INTS6: variants seen among roughly 807,000 people sequenced by gnomAD.
INTS6 encodes DEAD box protein.
A neutral mutation model predicts 104.9 loss-of-function variants in INTS6; 16 were observed. That is an observed-to-expected ratio of 0.15 (90% CI 0.10 to 0.23). The LOEUF is 0.23. INTS6 is among the 10% of genes least tolerant of loss of function. The pLI, the probability that INTS6 is intolerant of heterozygous loss-of-function variation, is 1.00. For missense variants in INTS6, 584 were observed against 1,062.8 expected, an observed-to-expected ratio of 0.55 and a Z score of 6.26; for synonymous variants, 324 against 358.7, an observed-to-expected ratio of 0.90 and a Z score of 1.09.
chr13:51,438,586 C>G (rs565522121), intron 3 of INTS6: 1 of 152,318 alleles, frequency 6.6e-6, no homozygotes, highest in African/African-American at 2.4e-5. Flanking sequence ...TGATTAGACA[C>G]TGCCCATTCT....
At chr13:51,377,730 A>T (rs1955962691) in intron 12 of INTS6, among the ~76,000 whole-genome samples, 1 of 152,122 alleles carries the variant, frequency 6.6e-6, no homozygotes, top group Non-Finnish European at 1.5e-5. Context: ...TTTTACAATA[A>T]GTTTTAAAAT....
intron 4 of INTS6, among the ~76,000 whole-genome samples, chr13:51,420,934 G>T (rs528136175): frequency 1.3e-5 from 2 of 152,216 alleles, no homozygotes; most frequent in African/African-American, 4.8e-5. Context: ...GCTTAGCAAG[G>T]TGGTTCTACT....
At chr13:51,446,590 A>C (rs756967667) in intron 3 of INTS6, 13 of 152,228 alleles carry the variant, frequency 8.5e-5, no homozygotes, top group Non-Finnish European at 1.6e-4. Flanking sequence ...GGATCTCAAA[A>C]AGTTACTTAC....
At chr13:51,436,011 T>C (rs1330039643) in intron 3 of INTS6, among the ~76,000 whole-genome samples, 2 of 152,110 alleles carry the variant, frequency 1.3e-5, no homozygotes, top group Non-Finnish European at 2.9e-5. Flanking sequence ...AAGATTATTA[T>C]TTTTATTGTT....
downstream of INTS6, among the ~76,000 whole-genome samples, chr13:51,360,796 A>T (rs191915176): frequency 6.6e-6 from 1 of 152,170 alleles, no homozygotes; most frequent in East Asian, 1.9e-4. Flanking sequence ...TTTGTCATTT[A>T]AAAGTGGCTC....
the INTS6 span, chr13:51,344,370 C>T: frequency 6.2e-7 from 1 of 1,613,670 alleles, no homozygotes; most frequent in South Asian, 1.1e-5. Context: ...CACTGTCCCC[C>T]TGCTTTGTGG....
At chr13:51,334,488 T>A in the INTS6 span, among the ~76,000 whole-genome samples, 1,191 of 152,350 alleles carry the variant, frequency 7.8e-3, 15 homozygotes, top group African/African-American at 0.026. Flanking sequence ...CAGTCTTGGA[T>A]GGGATAACTT....
intron 3 of INTS6, chr13:51,447,142 T>C (rs547244297): frequency 2.0e-5 from 3 of 152,346 alleles, no homozygotes; most frequent in African/African-American, 2.4e-5. Flanking sequence ...ATTTCAGGTA[T>C]AGTAATTAAC....
intron 4 of INTS6, among the ~76,000 whole-genome samples, chr13:51,396,878 T>C (rs1956349210): frequency 6.6e-6 from 1 of 152,138 alleles, no homozygotes; most frequent in South Asian, 2.1e-4. Context: ...TTTGAGACAA[T>C]CAGGAAATTT....
At chr13:51,352,169 A>G (rs1214157963), downstream of INTS6, among the ~76,000 whole-genome samples, 1 of 152,052 alleles carries the variant, frequency 6.6e-6, no homozygotes, top group African/African-American at 2.4e-5. Context: ...TTAGACAGGG[A>G]TTGTGTTGAA....
the INTS6 span, among the ~76,000 whole-genome samples, chr13:51,337,583 C>T: frequency 3.3e-5 from 5 of 152,154 alleles, no homozygotes; most frequent in East Asian, 9.6e-4. Flanking sequence ...AGGGCATGTG[C>T]CTTAGTGTCA....
At chr13:51,392,792 T>C (rs1238778134) in intron 5 of INTS6, among the ~76,000 whole-genome samples, 1 of 152,164 alleles carries the variant, frequency 6.6e-6, no homozygotes, top group Non-Finnish European at 1.5e-5. Flanking sequence ...CCATGATTAT[T>C]ATCTGTCACT....
intron 5 of INTS6, among the ~76,000 whole-genome samples, chr13:51,391,442 A>G (rs572923377): frequency 6.6e-6 from 1 of 152,294 alleles, no homozygotes; most frequent in South Asian, 2.1e-4. Context: ...AAAATCTATT[A>G]ATTATTTTAA....
chr13:51,380,832 A>C (rs1007746600), intron 10 of INTS6, among the ~76,000 whole-genome samples: 4 of 152,198 alleles, frequency 2.6e-5, no homozygotes, highest in Admixed American at 1.3e-4. Flanking sequence ...CAAGTCCTCT[A>C]AAGCATATGG....
chr13:51,357,551 CT>C (rs1955498915), downstream of INTS6, among the ~76,000 whole-genome samples: 1 of 152,118 alleles, frequency 6.6e-6, no homozygotes, highest in Non-Finnish European at 1.5e-5. Context: ...TACTCAAATT[CT>C]CTTTCCCCAT....
chr13:51,405,902 A>G (rs1177780216), intron 4 of INTS6, among the ~76,000 whole-genome samples: 1 of 152,192 alleles, frequency 6.6e-6, no homozygotes, highest in East Asian at 1.9e-4. Flanking sequence ...AAGTTTTGGG[A>G]TGACTTGTTA....
intron 4 of INTS6, among the ~76,000 whole-genome samples, chr13:51,397,072 A>G (rs377113499): frequency 2.2e-4 from 34 of 152,338 alleles, no homozygotes; most frequent in African/African-American, 7.9e-4. Context: ...ATGCTTTAAA[A>G]TGATCACTTC....
chr13:51,374,422 T>C lies in INTS6; in HGVS notation c.1890A>G (p.Glu630=). The C allele has an allele frequency of 6.2e-7, 1 of 1,613,424 alleles. No homozygotes were observed. Among genetic ancestry groups the C allele is most frequent in the South Asian group, 1.1e-5 (1 of 91,070 alleles). Reference sequence around the variant, plus strand: ...GAGGTCCAGCCACAAATTCATCTGCTTCATCTATCATCATACCCTTTAGCA... The same window carrying C: ...GAGGTCCAGCCACAAATTCATCTGCCTCATCTATCATCATACCCTTTAGCA... ...KLDKKGMMID[E]ADEFVAGPQN... The change falls in exon 15 of 18, where the codon GAA becomes GAG. Residue 630 remains glutamate (E), a synonymous_variant. Transcript: ENST00000311234.
At chr13:51,423,216 T>C (rs1379280733) in intron 4 of INTS6, 2 of 383,842 alleles carry the variant, frequency 5.2e-6, no homozygotes, top group Non-Finnish European at 9.1e-6. Context: ...CTTTCACAAT[T>C]CAAAATCTAA....
Sources: gnomAD v4.1 joint callset for allele counts (sites outside exome capture counted in the v4.1 genomes callset) on GRCh38, gnomAD v4.1.1 for gene constraint, MANE v1.5 for transcripts, NCBI Gene and HGNC (gene_info 2026-07-23, HGNC 2026-07-21) for gene names.